Variants in SCYL3 observed in about 807,000 individuals in gnomAD.
SCYL3 encodes SCY1 like pseudokinase 3, also known as protein-associating with the carboxyl-terminal domain of ezrin.
Under a neutral mutation model 73.8 loss-of-function variants are expected in SCYL3, and 35 were observed. The ratio of observed to expected loss-of-function variants is 0.47; its 90% CI spans 0.36 to 0.63. SCYL3 has a LOEUF of 0.63. SCYL3 is among the 20% of genes least tolerant of loss of function. The pLI is 0.00. For synonymous variants in SCYL3, 277 were observed against 295.2 expected (o/e 0.94, Z 0.63); for missense variants, 712 against 798.9 (o/e 0.89, Z 1.31).
At chr1:169,878,116 A>G (rs1660985029) in intron 3 of SCYL3, among the ~76,000 whole-genome samples, 1 of 152,224 alleles carries the variant, frequency 6.6e-6, no homozygotes, top group Non-Finnish European at 1.5e-5. Context: ...AGCCAAGCAC[A>G]CTGGTTACAC....
Position 169,854,156 on chromosome 1 carries a change from C to CTTGACTT in SCYL3, c.2007+107_2007+113dup, listed in dbSNP as rs71833325. ...AGAAACTGATTTTGTTAATTTTGTG[C>CTTGACTT]TTGACTTGACTAGGAAAATAGCATG... On this transcript the variant is annotated intron_variant, in intron 12 of 12. Coordinates refer to ENST00000367771, the MANE Select transcript of SCYL3 (RefSeq NM_020423.7). The CTTGACTT allele has an allele frequency of 1.1e-4, 82 of 750,586 alleles. No individual in the cohort carries two copies. In the African/African-American group the frequency reaches 2.4e-3, roughly 22 times the overall value. 46.5% of individuals were successfully genotyped at this position (750,586 alleles called of 1,614,324 possible). A position where few individuals can be genotyped will look rare whatever the true frequency, so the allele number is the denominator to read the frequency against.
intron 2 of SCYL3, among the ~76,000 whole-genome samples, chr1:169,885,002 T>G (rs1023367595): frequency 2.0e-5 from 3 of 152,208 alleles, no homozygotes; most frequent in Admixed American, 2.0e-4. Flanking sequence ...TAAGGGTAAC[T>G]AGGATATTTT....
chr1:169,870,111 A>G (rs1443209614), intron 6 of SCYL3, 144 bp downstream of exon 6: 1 of 557,804 alleles, frequency 1.8e-6, no homozygotes, highest in Non-Finnish European at 3.1e-6. Flanking sequence ...TACTGTTCTT[A>G]GTATCTGCCC....
intron 1 of SCYL3, among the ~76,000 whole-genome samples, chr1:169,890,072 G>A (rs1571466826): frequency 6.6e-6 from 1 of 152,300 alleles, no homozygotes; most frequent in Admixed American, 6.5e-5. Context: ...TGGCAGCCTG[G>A]CAGAGGGACC....
chr1:169,862,642 C>T lies in SCYL3; in HGVS notation c.1111G>A (p.Glu371Lys). Residue 371 changes from glutamate to lysine, a missense_variant, in exon 10 of 13, where the codon GAG (glutamate) becomes AAG (lysine). Physicochemically the swap from Glu to Lys is moderately conservative, Grantham distance 56 (BLOSUM62 1). This residue lies in a region of SCYL3 where 342 missense variants were observed against 448.1 expected (regional missense o/e 0.76). Transcript: ENST00000367771. ...IEAYVEHFTQ[E>K]QLKKVILPQV... The stretch of plus-strand genomic sequence containing the variant: ...GGCAAGATGACTTTCTTCAGCTGCT[C>T]CTGAGTGAAGTGCTCCACGTAGGCC... 6.2e-7 allele frequency: 1 copy of T among 1,614,190 alleles called. No individual in the cohort carries two copies. The highest frequency in any genetic ancestry group is 1.7e-5 in the Admixed American group (1 of 60,018).
At chr1:169,856,116 A>G (rs1323900517) in intron 11 of SCYL3, among the ~76,000 whole-genome samples, 1 of 152,196 alleles carries the variant, frequency 6.6e-6, no homozygotes, top group South Asian at 2.1e-4. Flanking sequence ...GAAGACATAC[A>G]CCCATTATGG....
At chr1:169,868,154 C>T (rs1268897623) in intron 7 of SCYL3, among the ~76,000 whole-genome samples, 4 of 152,062 alleles carry the variant, frequency 2.6e-5, no homozygotes, top group Admixed American at 2.6e-4. Context: ...ATAAGATTAC[C>T]CTTCCCCACC....
chr1:169,871,452 TG>T (rs1453117298), intron 5 of SCYL3, among the ~76,000 whole-genome samples: 2 of 152,176 alleles, frequency 1.3e-5, no homozygotes, highest in Non-Finnish European at 2.9e-5. Flanking sequence ...CCCAGCCACG[TG>T]GAACTTTTGT....
rs766990607 is a variant in SCYL3, at chr1:169,866,960, C to T, written c.751G>A (p.Glu251Lys). The change falls in exon 8 of 13, where the codon GAA becomes AAA. Residue 251 changes from glutamate to lysine, a missense_variant. Coordinates refer to ENST00000367771, the MANE Select transcript of SCYL3 (RefSeq NM_020423.7). ...SHDFFRNDFLEVVNFLKSLTL... is the reference protein window; with the variant it reads ...SHDFFRNDFLKVVNFLKSLTL... ...AAACTTTTCAAGAAATTCACAACTT[C>T]CAGAAAATCATTTCTAAATGCCAAA... 1.3e-5 allele frequency: 20 copies of T among 1,586,938 alleles called. No homozygotes were observed. The South Asian group carries it at 2.2e-4, about 17-fold the overall frequency.
At position 169,852,466 on chromosome 1, in the gene SCYL3, G is replaced by T. The variant is rs1294551162; in HGVS notation, c.*1247C>A. ...AGTTTTAGTCAAACTCTCATAAAAAGAAAATACATTTATGAACTTGTTTAT... is the reference window on the plus strand; with the variant it reads ...AGTTTTAGTCAAACTCTCATAAAAATAAAATACATTTATGAACTTGTTTAT... On this transcript the variant is annotated 3_prime_UTR_variant, in exon 13 of 13. Coordinates refer to ENST00000367771, the MANE Select transcript of SCYL3 (RefSeq NM_020423.7). 3 of 309,894 alleles carry T rather than the reference G, an allele frequency of 9.7e-6. No homozygotes were observed. Among genetic ancestry groups the T allele is most frequent in the African/African-American group, 6.5e-5 (3 of 45,954 alleles). 19.2% of individuals were successfully genotyped at this position (309,894 alleles called of 1,614,324 possible). A position where few individuals can be genotyped will look rare whatever the true frequency, so the allele number is the denominator to read the frequency against.
At position 169,890,303 on chromosome 1, in the gene SCYL3, C is replaced by T. The variant is rs182739594; in HGVS notation, c.-50-1413G>A. Among the ~76,000 whole-genome samples the T allele has an allele frequency of 4.0e-4, 61 of 152,346 alleles. No individual in the cohort carries two copies. The East Asian group carries it at 0.012, about 29-fold the overall frequency. ...GCCAAACAACGTATGTCTGAAAAAT[C>T]TGTGGCAGTCAGTTTTCAGTGGTGG... On this transcript the variant is annotated intron_variant, in intron 1 of 12. Coordinates refer to ENST00000367771, the MANE Select transcript of SCYL3 (RefSeq NM_020423.7).
At chr1:169,893,675 A>G (rs1430535015) in intron 1 of SCYL3, 113 bp downstream of exon 1, 9 of 150,972 alleles carry the variant, frequency 6.0e-5, no homozygotes, top group African/African-American at 2.2e-4. Flanking sequence ...CGCGGGCCCC[A>G]GAGCGCAGAC....
rs1658747105 is a variant in SCYL3 at position 169,853,789 on chromosome 1, C to T, written c.2008-17G>A. On this transcript the variant is annotated splice_polypyrimidine_tract_variant and intron_variant, in intron 12 of 12. Coordinates refer to ENST00000367771, the MANE Select transcript of SCYL3 (RefSeq NM_020423.7). ...AGCCTCTCCCTGCAACAAAATAAAG[C>T]ACACCAAGAACCCACTGAAACAAAT... 1 of 1,613,570 alleles carries T rather than the reference C, an allele frequency of 6.2e-7. No individual in the cohort carries two copies. The highest frequency in any genetic ancestry group is 8.5e-7 in the Non-Finnish European group (1 of 1,179,774).
At position 169,868,532 on chromosome 1, in the gene SCYL3, A is replaced by G. The variant is rs771719369; in HGVS notation, c.737+396T>C. ...TGAACTCATTCCCCATCCCCATGAG[A>G]AAAACTGAATAATAATAAACTCATA... On this transcript the variant is annotated intron_variant, in intron 7 of 12. Coordinates refer to ENST00000367771, the MANE Select transcript of SCYL3 (RefSeq NM_020423.7). 3.4e-4 allele frequency among the ~76,000 whole-genome samples: 52 copies of G among 152,220 alleles called. 1 individual carries two copies. The highest frequency in any genetic ancestry group is 7.2e-4 in the Admixed American group (11 of 15,288).
At chr1:169,879,896 C>A (rs916804167) in intron 2 of SCYL3, among the ~76,000 whole-genome samples, 15 of 151,968 alleles carry the variant, frequency 9.9e-5, no homozygotes, top group African/African-American at 2.9e-4. Context: ...GACTCATTAA[C>A]AGAATGAATA....
At chr1:169,875,896 G>A in intron 4 of SCYL3, 82 bp downstream of exon 4, 1 of 748,198 alleles carries the variant, frequency 1.3e-6, no homozygotes, top group East Asian at 3.0e-5. Flanking sequence ...AGCTAACACT[G>A]AAGGAAAGTG....
chr1:169,879,417 A>G (rs1469038646), intron 2 of SCYL3, among the ~76,000 whole-genome samples: 1 of 152,156 alleles, frequency 6.6e-6, no homozygotes, highest in African/African-American at 2.4e-5. Flanking sequence ...TTTTTCACAT[A>G]CCCACAAATT....
intron 8 of SCYL3, 47 bp from the exon 9 acceptor site, chr1:169,864,555 T>C: frequency 4.6e-6 from 7 of 1,531,624 alleles, no homozygotes; most frequent in Non-Finnish European, 6.1e-6. Context: ...TGACACTGTA[T>C]CAGCTTACTT....
At chr1:169,859,305 CT>C in intron 10 of SCYL3, 93 bp from the exon 11 acceptor site, 1 of 1,200,910 alleles carries the variant, frequency 8.3e-7, no homozygotes, top group Non-Finnish European at 1.1e-6. Flanking sequence ...ACAGATTGTG[CT>C]TAGATAAACT....
Sources: gnomAD v4.1 joint callset for allele counts (sites outside exome capture counted in the v4.1 genomes callset) on GRCh38, gnomAD v4.1.1 for gene constraint, gnomAD v4.1.1 regional missense constraint, MANE v1.5 for transcripts, NCBI Gene and HGNC (gene_info 2026-07-23, HGNC 2026-07-21) for gene names.